The following UBA6 variants were observed in gnomAD, a reference collection of about 807,000 sequenced individuals.
UBA6 encodes the protein ubiquitin-like modifier-activating enzyme 6.
A neutral mutation model predicts 148.3 loss-of-function variants in UBA6; 87 were observed. That is an observed-to-expected ratio of 0.59 (90% CI 0.49 to 0.70). The LOEUF is 0.70. Among genes scored for constraint, UBA6 ranks in the 30% least tolerant of loss-of-function variants. The pLI, the probability that UBA6 is intolerant of heterozygous loss-of-function variation, is 0.00. For missense variants in UBA6, 1,186 were observed against 1,241.2 expected, an observed-to-expected ratio of 0.96 and a Z score of 0.67; for synonymous variants, 376 against 401.0, an observed-to-expected ratio of 0.94 and a Z score of 0.75.
chr4:67,649,957 C>T (rs1216469562), intron 13 of UBA6, among the ~76,000 whole-genome samples: 1 of 152,092 alleles, frequency 6.6e-6, no homozygotes, highest in African/African-American at 2.4e-5. Flanking sequence ...TTCTTGTACA[C>T]AGAGGAGAGG....
intron 2 of UBA6, among the ~76,000 whole-genome samples, chr4:67,684,694 T>C (rs1730517037): frequency 6.6e-6 from 1 of 152,222 alleles, no homozygotes; most frequent in South Asian, 2.1e-4. Context: ...CTATACCTGT[T>C]TGGGTTTTTT....
intron 4 of UBA6, 116 bp downstream of exon 4, chr4:67,681,447 T>TTA (rs1553909858): frequency 3.2e-6 from 2 of 628,078 alleles, no homozygotes; most frequent in Non-Finnish European, 5.3e-6. Context: ...TGATTTTTTT[T>TTA]AAAAAGTAGA....
At chr4:67,626,532 G>A in intron 27 of UBA6, 55 bp from the exon 28 acceptor site, 1 of 1,116,278 alleles carries the variant, frequency 9.0e-7, no homozygotes, top group Non-Finnish European at 1.3e-6. Flanking sequence ...CATCTGTTTG[G>A]TTACCATTTA....
intron 18 of UBA6, among the ~76,000 whole-genome samples, chr4:67,640,761 C>T (rs529740385): frequency 6.6e-6 from 1 of 152,204 alleles, no homozygotes; most frequent in African/African-American, 2.4e-5. Flanking sequence ...ATCAAAAGAG[C>T]ACAAAAATTC....
chr4:67,665,389 A>G, intron 9 of UBA6, 97 bp from the exon 10 acceptor site: 1 of 750,506 alleles, frequency 1.3e-6, no homozygotes, highest in Non-Finnish European at 2.1e-6. Flanking sequence ...CCTAATTTAC[A>G]AAATTAAAGA....
chr4:67,678,506 A>AT lies in UBA6; in HGVS notation c.285dup (p.Cys96MetfsTer14). On this transcript the variant is annotated frameshift_variant, in exon 5 of 33. Transcript: ENST00000322244. LOFTEE classifies it high-confidence loss of function. ...TTGGTTCCTAGATCCCATGCTTGGC[A>AT]TTTTTCTGTATCATGAATTGTAACT... 1 of 1,593,500 alleles carries AT rather than the reference A, an allele frequency of 6.3e-7. No homozygotes were observed. Among genetic ancestry groups the AT allele is most frequent in the Non-Finnish European group, 8.6e-7 (1 of 1,167,986 alleles).
At chr4:67,660,012 G>A (rs1282847273) in intron 13 of UBA6, among the ~76,000 whole-genome samples, 1 of 152,126 alleles carries the variant, frequency 6.6e-6, no homozygotes, top group African/African-American at 2.4e-5. Context: ...GATGATTTAG[G>A]GTATCTGGTA....
chr4:67,662,526 G>A (rs537390249), intron 12 of UBA6: 89 of 300,262 alleles, frequency 3.0e-4, no homozygotes, highest in African/African-American at 1.8e-3. Context: ...GTGCAGTGAT[G>A]CAATCTTGGC....
chr4:67,677,661 A>C lies in UBA6; in HGVS notation c.415T>G (p.Ser139Ala). ...LNPYVHVTSS[S>A]VPFNETTDLS... is the part of the protein sequence containing the mutation. Reference sequence around the variant, plus strand: ...TCTGTGGTCTCATTGAAAGGAACAGAAGATGATGTGACATGAACGTATGGA... The same window carrying C: ...TCTGTGGTCTCATTGAAAGGAACAGCAGATGATGTGACATGAACGTATGGA... Residue 139 changes from serine (S) to alanine (A), a missense_variant, in exon 6 of 33, where the codon TCT (serine) becomes GCT (alanine). By Grantham distance (99) the Ser-to-Ala change is moderately conservative. Coordinates refer to ENST00000322244, the MANE Select transcript of UBA6 (RefSeq NM_018227.6). The C allele has an allele frequency of 1.9e-6, 3 of 1,608,148 alleles. No individual in the cohort carries two copies. Among genetic ancestry groups the C allele is most frequent in the Non-Finnish European group, 2.6e-6 (3 of 1,175,438 alleles).
At position 67,647,893 on chromosome 4, in the gene UBA6, C is replaced by A. The variant is rs1374420007; in HGVS notation, c.1249-1102G>T. ...GGTTCAAGCGATTCTCCTGCCTCAG[C>A]CTCCCGAGTAGCTGGGACTACAGGG... On this transcript the variant is annotated intron_variant, in intron 14 of 32. Transcript: ENST00000322244. Among the ~76,000 whole-genome samples the A allele has an allele frequency of 3.3e-5, 5 of 151,056 alleles. No homozygotes were observed. In the South Asian group the frequency reaches 8.4e-4, roughly 25 times the overall value.
intron 13 of UBA6, among the ~76,000 whole-genome samples, 181 bp from the exon 14 acceptor site, chr4:67,649,392 A>C (rs1380417150): frequency 6.6e-6 from 1 of 152,230 alleles, no homozygotes; most frequent in Non-Finnish European, 1.5e-5. Context: ...TGTTACCTTA[A>C]GTAGTGTCTC....
chr4:67,684,455 T>A, intron 2 of UBA6, among the ~76,000 whole-genome samples: 1 of 152,214 alleles, frequency 6.6e-6, no homozygotes. Context: ...ATCCAAAGTA[T>A]ATTTTGAAAT....
chr4:67,678,506 AT>A lies in UBA6; in HGVS notation c.285del (p.Lys95AsnfsTer7). ...TTGGTTCCTAGATCCCATGCTTGGCATTTTTCTGTATCATGAATTGTAACTG... is the reference window on the plus strand; with the variant it reads ...TTGGTTCCTAGATCCCATGCTTGGCATTTTCTGTATCATGAATTGTAACTG... ...IKAVTIHDTEKCQAWDLGTNF... is the reference protein window; with the variant it reads ...IKAVTIHDTEXCQAWDLGTNF... On this transcript the variant is annotated frameshift_variant, in exon 5 of 33. Coordinates refer to ENST00000322244, the MANE Select transcript of UBA6 (RefSeq NM_018227.6). LOFTEE classifies it high-confidence loss of function. 1.3e-6 allele frequency: 2 copies of A among 1,593,476 alleles called. No individual in the cohort carries two copies. Among genetic ancestry groups the A allele is most frequent in the Non-Finnish European group, 8.6e-7 (1 of 1,167,976 alleles).
At position 67,631,731 on chromosome 4, in the gene UBA6, T is replaced by G. The variant is rs979060281; in HGVS notation, c.2235A>C (p.Ile745=). The change falls in exon 25 of 33, where the codon ATA becomes ATC. Residue 745 remains isoleucine, a synonymous_variant. Transcript: ENST00000322244. ...ACAAAGGCTCATTTAAATCAAATTT[T>G]ATTGGAGAGGGTGGCCTCTTTGGTG... ...WQSPKRPPSP[I]KFDLNEPLHL... 6.2e-7 allele frequency: 1 copy of G among 1,609,904 alleles called. No homozygotes were observed. Among genetic ancestry groups the G allele is most frequent in the Non-Finnish European group, 8.5e-7 (1 of 1,178,212 alleles).
At chr4:67,668,453 A>G in intron 9 of UBA6, 98 bp downstream of exon 9, 2 of 1,154,776 alleles carry the variant, frequency 1.7e-6, no homozygotes, top group South Asian at 1.5e-5. Context: ...GCTTTGGATC[A>G]TGTCTCTCTG....
At chr4:67,621,114 A>G (rs1254736748) in intron 32 of UBA6, among the ~76,000 whole-genome samples, 1 of 152,262 alleles carries the variant, frequency 6.6e-6, no homozygotes, top group Non-Finnish European at 1.5e-5. Flanking sequence ...ACACTTTATG[A>G]TCACGTACAG....
intron 27 of UBA6, among the ~76,000 whole-genome samples, chr4:67,628,813 T>C (rs186846753): frequency 6.6e-4 from 101 of 152,080 alleles, no homozygotes; most frequent in African/African-American, 2.3e-3. Context: ...CACAATGATA[T>C]AGTGGGCATA....
At chr4:67,662,341 T>C in intron 12 of UBA6, 86 bp from the exon 13 acceptor site, 1 of 1,200,958 alleles carries the variant, frequency 8.3e-7, no homozygotes, top group Non-Finnish European at 1.2e-6. Context: ...ATTTAGGAAA[T>C]ATATAAAAGA....
At chr4:67,620,119 A>G (rs1204635364) in intron 32 of UBA6, among the ~76,000 whole-genome samples, 1 of 151,896 alleles carries the variant, frequency 6.6e-6, no homozygotes, top group East Asian at 1.9e-4. Flanking sequence ...CATGATCATC[A>G]CCTCATACTT....
Sources: allele counts gnomAD v4.1 joint callset (sites outside exome capture counted in the v4.1 genomes callset), GRCh38; gene constraint gnomAD v4.1.1; transcripts MANE v1.5; gene names NCBI Gene and HGNC (gene_info 2026-07-23, HGNC 2026-07-21).